NRG3: variants seen among roughly 807,000 people sequenced by gnomAD.
The protein encoded by NRG3 is neuregulin 3, also known as pro-neuregulin-3, membrane-bound isoform.
NRG3 carries 31 observed loss-of-function variants against 66.9 expected under a neutral mutation model. The ratio of observed to expected loss-of-function variants is 0.46; its 90% CI spans 0.35 to 0.63. The LOEUF (loss-of-function observed/expected upper bound fraction) is 0.63. NRG3 is among the 20% of genes least tolerant of loss of function. The pLI, the probability that NRG3 is intolerant of heterozygous loss-of-function variation, is 0.00. For missense variants in NRG3, 910 were observed against 878.9 expected (o/e 1.04, Z -0.45); for synonymous variants, 393 against 359.4 (o/e 1.09, Z -1.06).
At chr10:82,481,237 A>G (rs143003158) in intron 2 of NRG3, among the ~76,000 whole-genome samples, 11 of 152,156 alleles carry the variant, frequency 7.2e-5, no homozygotes, top group African/African-American at 2.7e-4. Flanking sequence ...AAACTTCTCA[A>G]TCCATTGGAT....
chr10:82,507,945 C>A (rs1042133450), intron 2 of NRG3, among the ~76,000 whole-genome samples: 1 of 152,200 alleles, frequency 6.6e-6, no homozygotes, highest in Non-Finnish European at 1.5e-5. Context: ...CTATGGAAAA[C>A]ATTGTCAAAT....
intron 6 of NRG3, among the ~76,000 whole-genome samples, chr10:82,964,220 A>G (rs1850969815): frequency 6.6e-6 from 1 of 152,230 alleles, no homozygotes; most frequent in African/African-American, 2.4e-5. Flanking sequence ...AAGTTTGCTG[A>G]TTACTGCGAG....
At chr10:82,671,034 C>T (rs1163671675) in intron 2 of NRG3, among the ~76,000 whole-genome samples, 2 of 152,128 alleles carry the variant, frequency 1.3e-5, no homozygotes, top group Non-Finnish European at 2.9e-5. Context: ...CCAACCTTCC[C>T]CCTTAGGTGG....
chr10:81,952,605 G>A (rs1216054020), intron 1 of NRG3, among the ~76,000 whole-genome samples: 8 of 150,810 alleles, frequency 5.3e-5, no homozygotes. Context: ...TTCATTCCTG[G>A]GTTTTTTTGT....
intron 1 of NRG3, among the ~76,000 whole-genome samples, chr10:82,354,622 T>C (rs1047579763): frequency 1.1e-4 from 16 of 152,002 alleles, no homozygotes; most frequent in African/African-American, 3.9e-4. Context: ...CAACTCCTGA[T>C]CTCAGGTGAT....
At chr10:82,553,701 C>T (rs984221386) in intron 2 of NRG3, among the ~76,000 whole-genome samples, 3 of 152,128 alleles carry the variant, frequency 2.0e-5, no homozygotes, top group African/African-American at 7.2e-5. Flanking sequence ...GAATAACTCA[C>T]GGAAGTCTGA....
chr10:82,166,847 A>G, intron 1 of NRG3: 1 of 654,530 alleles, frequency 1.5e-6, no homozygotes, highest in Non-Finnish European at 2.8e-6. Flanking sequence ...AACAGTCTTT[A>G]TTTATCTTCA....
At chr10:82,880,531 T>C (rs1448470746) in intron 4 of NRG3, among the ~76,000 whole-genome samples, 1 of 152,184 alleles carries the variant, frequency 6.6e-6, no homozygotes, top group Non-Finnish European at 1.5e-5. Context: ...AAAATGTCTC[T>C]AAAGCTTGAA....
At chr10:82,468,870 G>A (rs1342432484) in intron 2 of NRG3, among the ~76,000 whole-genome samples, 1 of 151,906 alleles carries the variant, frequency 6.6e-6, no homozygotes, top group African/African-American at 2.4e-5. Flanking sequence ...AGGGAAGGAG[G>A]GAGGAAGGGA....
At chr10:81,969,600 T>C (rs1203441614) in intron 1 of NRG3, among the ~76,000 whole-genome samples, 12 of 152,232 alleles carry the variant, frequency 7.9e-5, no homozygotes, top group Admixed American at 7.9e-4. Flanking sequence ...CTGATACTTG[T>C]AGTTGACAAG....
chr10:82,203,874 G>A (rs547747376), intron 1 of NRG3, among the ~76,000 whole-genome samples: 1 of 152,092 alleles, frequency 6.6e-6, no homozygotes, highest in South Asian at 2.1e-4. Context: ...AGAATATTTA[G>A]CATTCTCTAA....
At chr10:82,009,057 C>CTTCGTTAAGATG (rs375805800) in intron 1 of NRG3, among the ~76,000 whole-genome samples, 86 of 152,216 alleles carry the variant, frequency 5.6e-4, no homozygotes, top group African/African-American at 2.0e-3. Flanking sequence ...TTAAGATGTA[C>CTTCGTTAAGATG]TACAACTCCC....
chr10:82,672,531 G>T (rs1283738581), intron 2 of NRG3, among the ~76,000 whole-genome samples: 1 of 152,116 alleles, frequency 6.6e-6, no homozygotes. Flanking sequence ...CTTCATTTAC[G>T]ACTAATTACA....
chr10:82,307,842 A>G (rs1589668469), intron 1 of NRG3, among the ~76,000 whole-genome samples: 1 of 151,256 alleles, frequency 6.6e-6, no homozygotes, highest in African/African-American at 2.4e-5. Flanking sequence ...GCATCTCTGG[A>G]TGGTTTCACT....
chr10:82,862,397 A>T (rs754447797), intron 3 of NRG3, among the ~76,000 whole-genome samples: 2 of 152,200 alleles, frequency 1.3e-5, no homozygotes, highest in South Asian at 2.1e-4. Context: ...GCTTATAGTA[A>T]TATTTTTCTC....
intron 2 of NRG3, among the ~76,000 whole-genome samples, chr10:82,678,204 A>G (rs2134097954): frequency 6.6e-6 from 1 of 152,288 alleles, no homozygotes; most frequent in Non-Finnish European, 1.5e-5. Flanking sequence ...CATCCGTGTG[A>G]AGAGACCACC....
Position 82,474,988 on chromosome 10 carries a change from A to G in NRG3, c.953+116120A>G, listed in dbSNP as rs181106895. Among the ~76,000 whole-genome samples the G allele has an allele frequency of 1.2e-4, 18 of 152,176 alleles. No individual in the cohort carries two copies. The East Asian group carries it at 2.9e-3, about 24-fold the overall frequency. On this transcript the variant is annotated intron_variant, in intron 2 of 8. Coordinates refer to ENST00000372141, the MANE Select transcript of NRG3 (RefSeq NM_001010848.4). The stretch of plus-strand genomic sequence containing the variant: ...TGTATTTAATGTGCCGAAAGAAAAA[A>G]AAAAGGAAGAAAAAAAACTTATCAA...
At chr10:82,721,080 G>A (rs955979427) in intron 2 of NRG3, among the ~76,000 whole-genome samples, 61 of 112,162 alleles carry the variant, frequency 5.4e-4, no homozygotes, top group African/African-American at 1.8e-3. Flanking sequence ...TTATTTATTT[G>A]TTTTTGTTTG....
At position 81,914,384 on chromosome 10, in the gene NRG3, G is replaced by T. The variant is rs554849821; in HGVS notation, c.823+38221G>T. Among the ~76,000 whole-genome samples the T allele has an allele frequency of 2.0e-5, 3 of 152,134 alleles. No individual in the cohort carries two copies. The South Asian group carries it at 6.2e-4, about 32-fold the overall frequency. Reference sequence around the variant, plus strand: ...ATACTGAAATCTCAGCACTGAAGTAGATTGCAGTGGGGCATCTGATGGGTA... The same window carrying T: ...ATACTGAAATCTCAGCACTGAAGTATATTGCAGTGGGGCATCTGATGGGTA... On this transcript the variant is annotated intron_variant, in intron 1 of 8. Transcript: ENST00000372141.
Sources: allele counts gnomAD v4.1 joint callset (sites outside exome capture counted in the v4.1 genomes callset), GRCh38; gene constraint gnomAD v4.1.1; transcripts MANE v1.5; gene names NCBI Gene and HGNC (gene_info 2026-07-23, HGNC 2026-07-21).